ATP6V0D2: variants seen among roughly 807,000 people sequenced by gnomAD.
ATP6V0D2 encodes V-type proton ATPase subunit d 2.
Under a neutral mutation model 40.0 loss-of-function variants are expected in ATP6V0D2, and 40 were observed. The ratio of observed to expected loss-of-function variants is 1.00; its 90% CI spans 0.78 to 1.30. The LOEUF is 1.30. Ranked by LOEUF, ATP6V0D2 falls within the 50% of genes most tolerant of loss-of-function variation. ATP6V0D2 has a pLI of 0.00. For synonymous variants in ATP6V0D2, 179 were observed against 156.3 expected (o/e 1.15, Z -1.08); for missense variants, 470 against 423.1 (o/e 1.11, Z -0.97).
In ATP6V0D2 at chr8:86,098,985, G is replaced by A. The variant is rs755844717; in HGVS notation, c.7G>A (p.Glu3Lys). 5.6e-5 allele frequency: 91 copies of A among 1,613,490 alleles called. 1 individual carries two copies. Among genetic ancestry groups the A allele is most frequent in the Middle Eastern group, 1.6e-4 (1 of 6,080 alleles). The change falls in exon 1 of 8, where the codon GAA becomes AAA. Residue 3 changes from glutamate to lysine, a missense_variant. Transcript: ENST00000285393. ...GGCTTCAATCTCTTCCCCCATGCTC[G>A]AAGGTGCGGAGCTGTACTTCAACGT... ML[E>K]GAELYFNVDH...
chr8:86,131,050 A>G (rs947776382), intron 2 of ATP6V0D2, among the ~76,000 whole-genome samples: 1 of 152,108 alleles, frequency 6.6e-6, no homozygotes, highest in Non-Finnish European at 1.5e-5. Context: ...ATAGTGTCCA[A>G]TGTCCCTTCT....
At position 86,151,351 on chromosome 8, in the gene ATP6V0D2, C is replaced by T. The variant is rs530792327; in HGVS notation, c.817-115C>T. 675 of 748,100 alleles carry T rather than the reference C, an allele frequency of 9.0e-4. 3 individuals carry two copies. The highest frequency in any genetic ancestry group is 1.3e-3 in the Non-Finnish European group (610 of 481,524). The allele number at this position is 748,100 out of a possible 1,614,324, so 46.3% of individuals were successfully genotyped here. A position where few individuals can be genotyped will look rare whatever the true frequency, so the allele number is the denominator to read the frequency against. The stretch of plus-strand genomic sequence containing the variant: ...AAATCCTATAAAAAAACATTCAGTC[C>T]TCCTGGTATTTTTTTTTAAATAGGT... On this transcript the variant is annotated intron_variant, in intron 6 of 7. Coordinates refer to ENST00000285393, the MANE Select transcript of ATP6V0D2 (RefSeq NM_152565.1).
At chr8:86,117,948 G>A (rs1488537767) in intron 2 of ATP6V0D2, among the ~76,000 whole-genome samples, 1 of 151,872 alleles carries the variant, frequency 6.6e-6, no homozygotes, top group Non-Finnish European at 1.5e-5. Context: ...TTGATGCCAG[G>A]CTAAGGAAGT....
At chr8:86,137,044 C>A (rs991873464) in intron 2 of ATP6V0D2, among the ~76,000 whole-genome samples, 1 of 109,722 alleles carries the variant, frequency 9.1e-6, no homozygotes, top group Admixed American at 9.3e-5. Context: ...GTCCTTGGCC[C>A]CTGTATCTCC....
chr8:86,126,236 C>CTATATATATATATATATATATATCTA (rs1818740789), intron 2 of ATP6V0D2, among the ~76,000 whole-genome samples: 1 of 77,120 alleles, frequency 1.3e-5, no homozygotes, highest in Non-Finnish European at 2.9e-5. Flanking sequence ...CGTGCTCAGC[C>CTATATATATATATATATATATATCTA]TATATATATA....
intron 5 of ATP6V0D2, among the ~76,000 whole-genome samples, chr8:86,146,090 C>A (rs1276033364): frequency 1.3e-5 from 2 of 152,182 alleles, no homozygotes; most frequent in Non-Finnish European, 2.9e-5. Flanking sequence ...GCCATAGTGC[C>A]TCTGCATTAA....
chr8:86,110,861 A>T (rs1158737248), intron 1 of ATP6V0D2, among the ~76,000 whole-genome samples: 4 of 152,132 alleles, frequency 2.6e-5, no homozygotes, highest in Non-Finnish European at 5.9e-5. Context: ...ACAGGACAGG[A>T]CAGGACTGGC....
chr8:86,125,558 A>C (rs2318398), intron 2 of ATP6V0D2, among the ~76,000 whole-genome samples: 94,389 of 151,688 alleles, frequency 0.62, 30,213 homozygotes, highest in Non-Finnish European at 0.71. Context: ...TAAATTTAAT[A>C]GATTTTCACA....
In ATP6V0D2 at chr8:86,151,504, G is replaced by A. The variant is rs377210620; in HGVS notation, c.855G>A (p.Gly285=). ...TATTTGAAGCTGTAGGTGGCAGTGGGGGAAAGACATTGGAGGACGTGTTTT... is the reference window on the plus strand; with the variant it reads ...TATTTGAAGCTGTAGGTGGCAGTGGAGGAAAGACATTGGAGGACGTGTTTT... ...KPLFEAVGGS[G]GKTLEDVFYE... The change falls in exon 7 of 8, where the codon GGG becomes GGA. Residue 285 remains glycine (G), a synonymous_variant. Coordinates refer to ENST00000285393, the MANE Select transcript of ATP6V0D2 (RefSeq NM_152565.1). 2.3e-5 allele frequency: 37 copies of A among 1,607,596 alleles called. No homozygotes were observed. Among genetic ancestry groups the A allele is most frequent in the Non-Finnish European group, 7.6e-6 (9 of 1,177,374 alleles).
At chr8:86,116,273 T>A (rs1360912266) in intron 2 of ATP6V0D2, among the ~76,000 whole-genome samples, 1 of 152,210 alleles carries the variant, frequency 6.6e-6, no homozygotes, top group African/African-American at 2.4e-5. Context: ...TGCTACACAC[T>A]CTCCCACCCA....
At chr8:86,118,240 T>A (rs1196189495) in intron 2 of ATP6V0D2, among the ~76,000 whole-genome samples, 3 of 94,250 alleles carry the variant, frequency 3.2e-5, no homozygotes, top group East Asian at 2.8e-4. Flanking sequence ...TTTGTATTTT[T>A]TTTTATTTTT....
chr8:86,111,164 GT>G (rs1289000775), intron 1 of ATP6V0D2, among the ~76,000 whole-genome samples: 1 of 148,978 alleles, frequency 6.7e-6, no homozygotes, highest in African/African-American at 2.5e-5. Context: ...CCACTAAGTC[GT>G]TTTTTTCTTT....
At chr8:86,149,066 A>AAAAAAAAAAAAAAAAAG (rs1819108717) in intron 5 of ATP6V0D2, among the ~76,000 whole-genome samples, 1 of 149,762 alleles carries the variant, frequency 6.7e-6, no homozygotes, top group Non-Finnish European at 1.5e-5. Flanking sequence ...AAAAAAAAAA[A>AAAAAAAAAAAAAAAAAG]AAAAAAAAAC....
chr8:86,128,731 G>C lies in ATP6V0D2; in HGVS notation c.303-10726G>C, dbSNP rs575723503. 3.9e-4 allele frequency among the ~76,000 whole-genome samples: 60 copies of C among 152,292 alleles called. No homozygotes were observed. The South Asian group carries it at 5.0e-3, about 13-fold the overall frequency. On this transcript the variant is annotated intron_variant, in intron 2 of 7. Transcript: ENST00000285393. ...AAGATACAAAACAAGATGGTAATAG[G>C]TTTTATGAAATAGGTGTAAATCAGA...
intron 2 of ATP6V0D2, among the ~76,000 whole-genome samples, chr8:86,121,188 G>A (rs1017106002): frequency 2.0e-5 from 3 of 152,136 alleles, no homozygotes; most frequent in African/African-American, 7.2e-5. Flanking sequence ...TCCATGATCT[G>A]TCCCATCATG....
At chr8:86,128,038 C>T (rs181498036) in intron 2 of ATP6V0D2, among the ~76,000 whole-genome samples, 4 of 151,742 alleles carry the variant, frequency 2.6e-5, no homozygotes, top group Admixed American at 6.6e-5. Flanking sequence ...GCTATGATTG[C>T]GCCACTTGGG....
intron 2 of ATP6V0D2, among the ~76,000 whole-genome samples, chr8:86,128,751 A>T (rs1818778818): frequency 6.6e-6 from 1 of 152,252 alleles, no homozygotes; most frequent in Non-Finnish European, 1.5e-5. Context: ...ATAGGTGTAA[A>T]TCAGACTTGA....
chr8:86,142,832 AAT>A (rs1818993768), intron 4 of ATP6V0D2, 43 bp from the exon 5 acceptor site: 1 of 1,252,886 alleles, frequency 8.0e-7, no homozygotes. Flanking sequence ...TTTCAAAAGG[AAT>A]ATATATTCAT....
chr8:86,130,283 G>A lies in ATP6V0D2; in HGVS notation c.303-9174G>A, dbSNP rs56315724. On this transcript the variant is annotated intron_variant, in intron 2 of 7. Coordinates refer to ENST00000285393, the MANE Select transcript of ATP6V0D2 (RefSeq NM_152565.1). ...TCCTTTCTATCCCTTAAGAACCAAG[G>A]AAATAACACAGTATGGACTTTAATT... Among the ~76,000 whole-genome samples, 1,422 of 152,044 alleles carry A rather than the reference G, an allele frequency of 9.4e-3. 33 individuals are homozygous for A. The highest frequency in any genetic ancestry group is 0.032 in the African/African-American group (1,317 of 41,476).
Sources: allele counts gnomAD v4.1 joint callset (sites outside exome capture counted in the v4.1 genomes callset), GRCh38; gene constraint gnomAD v4.1.1; transcripts MANE v1.5; gene names NCBI Gene and HGNC (gene_info 2026-07-23, HGNC 2026-07-21).